BANK1: variants seen among roughly 807,000 people sequenced by gnomAD.
BANK1 encodes B cell scaffold protein with ankyrin repeats 1, also known as B-cell scaffold protein with ankyrin repeats.
Under a neutral mutation model 94.5 loss-of-function variants are expected in BANK1, and 95 were observed. The observed-to-expected ratio is 1.00, with a 90% CI of 0.85 to 1.19. The LOEUF (loss-of-function observed/expected upper bound fraction) is 1.19, where lower values mean the gene tolerates loss of function less well. BANK1 is among the 50% of genes most tolerant of loss of function. The pLI is 0.00. For synonymous variants in BANK1, 334 were observed against 308.4 expected (o/e 1.08, Z -0.87); for missense variants, 987 against 932.2 (o/e 1.06, Z -0.77).
At chr4:101,983,264 C>G (rs1725378727) in intron 7 of BANK1, among the ~76,000 whole-genome samples, 1 of 151,958 alleles carries the variant, frequency 6.6e-6, no homozygotes, top group African/African-American at 2.4e-5. Context: ...TGACATTTAG[C>G]CATATTATAT....
chr4:101,947,309 A>ATATATATATATATATATATTTG (rs1176507515), intron 7 of BANK1, among the ~76,000 whole-genome samples: 1 of 67,864 alleles, frequency 1.5e-5, no homozygotes, highest in African/African-American at 4.5e-5. Flanking sequence ...ATATATATAT[A>ATATATATATATATATATATTTG]TATGTATATG....
chr4:102,062,099 A>G (rs1728437908), intron 12 of BANK1: 2 of 152,204 alleles, frequency 1.3e-5, no homozygotes, highest in Admixed American at 1.3e-4. Context: ...TGCAGCTTGG[A>G]AAAGTATTTG....
intron 7 of BANK1, among the ~76,000 whole-genome samples, chr4:101,928,414 A>C (rs1723233924): frequency 6.6e-6 from 1 of 151,692 alleles, no homozygotes. Context: ...TGTCAGGGAA[A>C]AAAAAATCAG....
At chr4:102,070,809 G>C (rs1232271813) in intron 13 of BANK1, among the ~76,000 whole-genome samples, 3 of 152,124 alleles carry the variant, frequency 2.0e-5, no homozygotes, top group African/African-American at 7.2e-5. Context: ...ACATAAGGGA[G>C]AATTAGGGAA....
At chr4:101,798,899 C>T (rs1462145429) in intron 1 of BANK1, among the ~76,000 whole-genome samples, 3 of 152,148 alleles carry the variant, frequency 2.0e-5, no homozygotes, top group Non-Finnish European at 4.4e-5. Context: ...ACTTTTCTCC[C>T]ATTCTGTAGG....
intron 7 of BANK1, among the ~76,000 whole-genome samples, chr4:102,012,730 A>G (rs1295958606): frequency 6.6e-6 from 1 of 152,040 alleles, no homozygotes; most frequent in Non-Finnish European, 1.5e-5. Flanking sequence ...GGTGATGACA[A>G]TTCTAGTCTT....
At chr4:102,017,830 GA>G (rs1162127614) in intron 7 of BANK1, among the ~76,000 whole-genome samples, 1 of 152,136 alleles carries the variant, frequency 6.6e-6, no homozygotes, top group Non-Finnish European at 1.5e-5. Context: ...TTATTCTAAT[GA>G]AATTTTAACC....
chr4:102,055,915 A>G (rs138268456), intron 11 of BANK1, among the ~76,000 whole-genome samples: 61 of 152,214 alleles, frequency 4.0e-4, no homozygotes, highest in Middle Eastern at 3.4e-3. Context: ...GATAGAGAAG[A>G]TAATTAAGAA....
intron 7 of BANK1, among the ~76,000 whole-genome samples, chr4:101,947,673 A>G (rs1340799771): frequency 6.6e-6 from 1 of 151,936 alleles, no homozygotes; most frequent in African/African-American, 2.4e-5. Flanking sequence ...AATTATGAAT[A>G]TCCAAAGAAA....
intron 7 of BANK1, among the ~76,000 whole-genome samples, chr4:102,008,962 A>G (rs781448922): frequency 6.6e-6 from 1 of 152,192 alleles, no homozygotes; most frequent in Non-Finnish European, 1.5e-5. Flanking sequence ...TGTTTCCTGA[A>G]GTTCACTTGT....
intron 1 of BANK1, among the ~76,000 whole-genome samples, chr4:101,828,673 A>G (rs1046791030): frequency 6.6e-6 from 1 of 152,122 alleles, no homozygotes; most frequent in Non-Finnish European, 1.5e-5. Context: ...AATATTTTAT[A>G]GTATGAATAT....
intron 8 of BANK1, 49 bp from the exon 9 acceptor site, chr4:102,025,152 C>T (rs776302557): frequency 2.5e-6 from 4 of 1,572,876 alleles, no homozygotes; most frequent in East Asian, 2.2e-5. Context: ...TATGAAATGC[C>T]TTCAGATGGT....
At chr4:101,823,999 G>A (rs1265982738) in intron 1 of BANK1, among the ~76,000 whole-genome samples, 2 of 152,172 alleles carry the variant, frequency 1.3e-5, no homozygotes, top group Admixed American at 6.5e-5. Context: ...ATAAGAAAGG[G>A]AGAAAAGACA....
chr4:102,030,136 A>T lies in BANK1; in HGVS notation c.1771A>T (p.Ile591Leu). ...GATTGATGACAGTGAATATGACATG[A>T]TATTGGCCAATCTGAGTATAAAGAA... ...AEIDDSEYDM[I>L]LANLSIKKKT... The change falls in exon 10 of 17, where the codon ATA (isoleucine) becomes TTA (leucine). Residue 591 changes from isoleucine to leucine, a missense_variant. Transcript: ENST00000322953. 1 of 1,614,072 alleles carries T rather than the reference A, an allele frequency of 6.2e-7. No individual in the cohort carries two copies. The highest frequency in any genetic ancestry group is 1.1e-5 in the South Asian group (1 of 91,074).
At chr4:101,926,216 A>C (rs1046870444) in intron 7 of BANK1, among the ~76,000 whole-genome samples, 1 of 151,706 alleles carries the variant, frequency 6.6e-6, no homozygotes, top group Non-Finnish European at 1.5e-5. Context: ...GAAAAGAATC[A>C]GACTTATGAA....
chr4:101,848,135 A>T (rs1578354265), intron 2 of BANK1, among the ~76,000 whole-genome samples: 1 of 152,072 alleles, frequency 6.6e-6, no homozygotes, highest in Non-Finnish European at 1.5e-5. Flanking sequence ...CAGCTTCTCC[A>T]GTGGGGCTGT....
intron 1 of BANK1, among the ~76,000 whole-genome samples, chr4:101,823,799 G>A (rs1424952632): frequency 6.6e-6 from 1 of 152,162 alleles, no homozygotes; most frequent in Admixed American, 6.5e-5. Context: ...ATTTTTGCTG[G>A]TTGTTCTTCA....
At chr4:101,886,733 C>A (rs1013674566) in intron 5 of BANK1, among the ~76,000 whole-genome samples, 3 of 142,076 alleles carry the variant, frequency 2.1e-5, no homozygotes, top group African/African-American at 8.1e-5. Flanking sequence ...ACTTTGAGAC[C>A]TTTTGACATT....
chr4:102,037,827 A>G (rs1177612382), intron 10 of BANK1, among the ~76,000 whole-genome samples: 2 of 152,192 alleles, frequency 1.3e-5, no homozygotes, highest in Non-Finnish European at 1.5e-5. Context: ...AGGAAATGAT[A>G]GTTCCTGTGA....
Sources: gnomAD v4.1 joint callset for allele counts (sites outside exome capture counted in the v4.1 genomes callset) on GRCh38, gnomAD v4.1.1 for gene constraint, MANE v1.5 for transcripts, NCBI Gene and HGNC (gene_info 2026-07-23, HGNC 2026-07-21) for gene names.